The following CNTN4 variants were observed in gnomAD, a reference collection of about 807,000 sequenced individuals.
The protein encoded by CNTN4 is contactin-4.
A neutral mutation model predicts 122.5 loss-of-function variants in CNTN4; 77 were observed. The observed-to-expected ratio is 0.63, with a 90% CI of 0.52 to 0.76. The LOEUF is 0.76. Ranked by LOEUF, CNTN4 falls within the 30% of genes least tolerant of loss-of-function variation. CNTN4 has a pLI of 0.00. For missense variants in CNTN4, 1,256 were observed against 1,259.1 expected (o/e 1.00, Z 0.04); for synonymous variants, 512 against 447.0 (o/e 1.15, Z -1.83).
chr3:2,527,021 A>G (rs1420614397), intron 3 of CNTN4, among the ~76,000 whole-genome samples: 1 of 152,186 alleles, frequency 6.6e-6, no homozygotes, highest in African/African-American at 2.4e-5. Context: ...ACTTTCTCAG[A>G]AAACGTAGAA....
chr3:2,948,949 A>C (rs2094707743), intron 13 of CNTN4, among the ~76,000 whole-genome samples: 1 of 152,062 alleles, frequency 6.6e-6, no homozygotes, highest in South Asian at 2.1e-4. Context: ...TAGACAACTA[A>C]TCAGCCCTTC....
intron 2 of CNTN4, among the ~76,000 whole-genome samples, chr3:2,203,186 G>A (rs2038180510): frequency 6.6e-6 from 1 of 152,030 alleles, no homozygotes; most frequent in African/African-American, 2.4e-5. Context: ...CTATACATGT[G>A]TGTTGACTTT....
At chr3:2,719,655 C>A (rs1302871893) in intron 4 of CNTN4, among the ~76,000 whole-genome samples, 1 of 152,186 alleles carries the variant, frequency 6.6e-6, no homozygotes, top group Non-Finnish European at 1.5e-5. Context: ...AACCCCTGAC[C>A]TCAGGCGATC....
chr3:2,189,476 G>A lies in CNTN4; in HGVS notation c.-145+88837G>A, dbSNP rs74397476. On this transcript the variant is annotated intron_variant, in intron 2 of 24. Coordinates refer to ENST00000418658, the MANE Select transcript of CNTN4 (RefSeq NM_175607.3). Reference sequence around the variant, plus strand: ...GTTAACGTGGTATATGGTAGTGCTGGAATAGAGAGGGTCAGTGTTGTAGGA... The same window carrying A: ...GTTAACGTGGTATATGGTAGTGCTGAAATAGAGAGGGTCAGTGTTGTAGGA... Among the ~76,000 whole-genome samples, 549 of 152,282 alleles carry A rather than the reference G, an allele frequency of 3.6e-3. 4 individuals carry two copies. Among genetic ancestry groups the A allele is most frequent in the African/African-American group, 0.012 (502 of 41,552 alleles).
intron 13 of CNTN4, among the ~76,000 whole-genome samples, chr3:2,981,136 G>T (rs1693925082): frequency 1.3e-5 from 2 of 152,162 alleles, no homozygotes; most frequent in African/African-American, 4.8e-5. Context: ...TGATTTAGGG[G>T]CTGCTTTTCG....
intron 6 of CNTN4, among the ~76,000 whole-genome samples, chr3:2,791,488 G>T (rs1038231425): frequency 6.6e-6 from 1 of 151,416 alleles, no homozygotes; most frequent in Non-Finnish European, 1.5e-5. Context: ...ACCTGTGATT[G>T]TGCCACTGCA....
chr3:2,283,198 A>T (rs1238140508), intron 2 of CNTN4, among the ~76,000 whole-genome samples: 1 of 152,166 alleles, frequency 6.6e-6, no homozygotes, highest in Non-Finnish European at 1.5e-5. Context: ...ATAAACAGAG[A>T]GTACAAAGAT....
intron 14 of CNTN4, among the ~76,000 whole-genome samples, chr3:3,001,428 ACAT>A (rs1696034482): frequency 6.6e-6 from 1 of 152,214 alleles, no homozygotes; most frequent in African/African-American, 2.4e-5. Context: ...ATGTTAGGAA[ACAT>A]CAGGTGTGTT....
intron 3 of CNTN4, among the ~76,000 whole-genome samples, chr3:2,349,649 A>G (rs17012960): frequency 0.017 from 2,556 of 152,318 alleles, 75 homozygotes; most frequent in African/African-American, 0.058. Context: ...ACTTGTAGAG[A>G]AAATTATGAA....
chr3:2,946,464 A>C (rs2094679584), intron 13 of CNTN4, among the ~76,000 whole-genome samples: 1 of 152,214 alleles, frequency 6.6e-6, no homozygotes, highest in South Asian at 2.1e-4. Context: ...ACTGTAAAGC[A>C]ATAAAGCTTT....
chr3:2,925,986 C>T lies in CNTN4; in HGVS notation c.1358+207C>T, dbSNP rs182421746. 2.0e-5 allele frequency among the ~76,000 whole-genome samples: 3 copies of T among 152,292 alleles called. No individual in the cohort carries two copies. In the East Asian group the frequency reaches 5.8e-4, roughly 29 times the overall value. Reference sequence around the variant, plus strand: ...TGGGAATTCTACAAAGCACTCCGTGCAGAGATAGATCACATGATCCCCGCT... The same window carrying T: ...TGGGAATTCTACAAAGCACTCCGTGTAGAGATAGATCACATGATCCCCGCT... On this transcript the variant is annotated intron_variant, in intron 13 of 24. Coordinates refer to ENST00000418658, the MANE Select transcript of CNTN4 (RefSeq NM_175607.3).
intron 4 of CNTN4, among the ~76,000 whole-genome samples, chr3:2,638,397 C>T (rs1273264710): frequency 1.3e-5 from 2 of 152,060 alleles, no homozygotes; most frequent in Non-Finnish European, 2.9e-5. Flanking sequence ...CCTTAAACCT[C>T]TTTAAGCCCT....
intron 2 of CNTN4, among the ~76,000 whole-genome samples, chr3:2,293,789 A>C (rs1270097776): frequency 6.6e-6 from 1 of 152,224 alleles, no homozygotes; most frequent in Non-Finnish European, 1.5e-5. Flanking sequence ...TATTCTCCAA[A>C]ATAAAAGTTG....
At chr3:2,397,575 C>T (rs2046686401) in intron 3 of CNTN4, among the ~76,000 whole-genome samples, 1 of 151,894 alleles carries the variant, frequency 6.6e-6, no homozygotes, top group African/African-American at 2.4e-5. Context: ...ATACAGACTA[C>T]AGTATGCAGC....
At chr3:2,889,804 A>T (rs183300625) in intron 10 of CNTN4, among the ~76,000 whole-genome samples, 189 of 152,272 alleles carry the variant, frequency 1.2e-3, no homozygotes, top group African/African-American at 4.2e-3. Context: ...ATTTTCTGCA[A>T]CCAGGGGTCG....
intron 3 of CNTN4, among the ~76,000 whole-genome samples, chr3:2,357,974 T>G (rs937923886): frequency 6.6e-6 from 1 of 152,230 alleles, no homozygotes; most frequent in East Asian, 1.9e-4. Flanking sequence ...TTATGTAATA[T>G]GTGAATTCTA....
intron 2 of CNTN4, among the ~76,000 whole-genome samples, chr3:2,186,917 G>T (rs138460984): frequency 0.016 from 2,384 of 152,234 alleles, 62 homozygotes; most frequent in African/African-American, 0.055. Flanking sequence ...CTTTGCAGAA[G>T]CTCTTTAGTT....
intron 4 of CNTN4, among the ~76,000 whole-genome samples, chr3:2,626,676 TG>T (rs1025634045): frequency 3.8e-4 from 58 of 152,128 alleles, no homozygotes; most frequent in Non-Finnish European, 1.8e-4. Context: ...AGCTACACTG[TG>T]GGTAGAAAAA....
intron 2 of CNTN4, among the ~76,000 whole-genome samples, chr3:2,311,840 T>C (rs1157061036): frequency 6.6e-6 from 1 of 152,164 alleles, no homozygotes; most frequent in East Asian, 1.9e-4. Flanking sequence ...GCAATTACGT[T>C]TCCTTCTTAA....
Sources: allele counts gnomAD v4.1 joint callset (sites outside exome capture counted in the v4.1 genomes callset), GRCh38; gene constraint gnomAD v4.1.1; transcripts MANE v1.5; gene names NCBI Gene and HGNC (gene_info 2026-07-23, HGNC 2026-07-21).